The following MAML3 variants were observed in gnomAD, a reference collection of about 807,000 sequenced individuals.
MAML3 encodes mastermind-like protein 3.
A neutral mutation model predicts 101.9 loss-of-function variants in MAML3; 27 were observed. That is an observed-to-expected ratio of 0.27 (90% CI 0.20 to 0.37). The LOEUF is 0.37. Among genes scored for constraint, MAML3 ranks in the 10% least tolerant of loss-of-function variants. MAML3 has a pLI of 1.00. For missense variants in MAML3, 1,316 were observed against 1,444.9 expected (o/e 0.91, Z 1.45); for synonymous variants, 501 against 555.9 (o/e 0.90, Z 1.39).
chr4:139,813,383 C>T (rs1730837708), intron 2 of MAML3, among the ~76,000 whole-genome samples: 3 of 152,114 alleles, frequency 2.0e-5, no homozygotes, highest in South Asian at 4.1e-4. Context: ...GCAGGGAACA[C>T]CACTGTGAAA....
At position 140,134,594 on chromosome 4, in the gene MAML3, T is replaced by C. The variant is rs1728853159; in HGVS notation, c.468+18266A>G. 1.2e-5 allele frequency: 4 copies of C among 333,276 alleles called. 1 individual carries two copies. Among genetic ancestry groups the C allele is most frequent in the South Asian group, 7.3e-5 (3 of 40,818 alleles). 20.6% of individuals were successfully genotyped at this position (333,276 alleles called of 1,614,324 possible). ...TTAAAATATAAACTCCGATGAGTGA[T>C]TAGAAAAACACCACAGAAATAAATA... is the stretch of plus-strand genomic sequence containing the variant. On this transcript the variant is annotated intron_variant, in intron 1 of 4. Transcript: ENST00000509479.
At chr4:139,775,269 T>C (rs1730071728) in intron 2 of MAML3, among the ~76,000 whole-genome samples, 1 of 152,144 alleles carries the variant, frequency 6.6e-6, no homozygotes, top group African/African-American at 2.4e-5. Flanking sequence ...TTTACTGCCC[T>C]AAGCAACCTC....
rs559161149 is a variant in MAML3 at position 139,806,665 on chromosome 4, A to G, written c.2080-75998T>C. 2.0e-5 allele frequency among the ~76,000 whole-genome samples: 3 copies of G among 152,346 alleles called. No homozygotes were observed. The East Asian group carries it at 5.8e-4, about 29-fold the overall frequency. Reference sequence around the variant, plus strand: ...GATAGATTTAAAAGGATGTTCGTAAACAACAAAAGGTAAACAACTAAAATG... The same window carrying G: ...GATAGATTTAAAAGGATGTTCGTAAGCAACAAAAGGTAAACAACTAAAATG... On this transcript the variant is annotated intron_variant, in intron 2 of 4. Coordinates refer to ENST00000509479, the MANE Select transcript of MAML3 (RefSeq NM_018717.5).
intron 2 of MAML3, among the ~76,000 whole-genome samples, chr4:139,742,710 G>A (rs1323816794): frequency 6.6e-6 from 1 of 152,156 alleles, no homozygotes; most frequent in Non-Finnish European, 1.5e-5. Flanking sequence ...AGTTAAGTTG[G>A]TAGCTAAATA....
intron 1 of MAML3, among the ~76,000 whole-genome samples, chr4:139,941,678 A>C (rs1215502270): frequency 6.6e-6 from 1 of 152,142 alleles, no homozygotes; most frequent in Non-Finnish European, 1.5e-5. Flanking sequence ...GCATATGTTG[A>C]GTACATGTGT....
At chr4:139,800,780 T>C (rs1164085060) in intron 2 of MAML3, among the ~76,000 whole-genome samples, 1 of 152,194 alleles carries the variant, frequency 6.6e-6, no homozygotes, top group Non-Finnish European at 1.5e-5. Context: ...CCAAAATGAA[T>C]AATAATTTTA....
chr4:139,890,604 G>T lies in MAML3; in HGVS notation c.832C>A (p.Pro278Thr). 6.2e-7 allele frequency: 1 copy of T among 1,613,994 alleles called. No individual in the cohort carries two copies. Among genetic ancestry groups the T allele is most frequent in the Non-Finnish European group, 8.5e-7 (1 of 1,179,892 alleles). ...TCTATGCAAGTAGGGTCATCGAGAG[G>T]TTCTTGTTTGAGGTCTTTGCTCTGC... ...ILQSKDLKQE[P>T]LDDPTCIDTS... The change falls in exon 2 of 5, where the codon CCT (proline) becomes ACT (threonine). Residue 278 changes from proline to threonine, a missense_variant. Physicochemically the swap from Pro to Thr is conservative, Grantham distance 38. Transcript: ENST00000509479. This position sits in a 1 kb window ranked among gnomAD's most constrained non-coding sequence, Gnocchi z 4.1.
At chr4:139,751,273 G>A (rs1254071807) in intron 2 of MAML3, among the ~76,000 whole-genome samples, 1 of 152,180 alleles carries the variant, frequency 6.6e-6, no homozygotes, top group African/African-American at 2.4e-5. Context: ...TTCAGGTTGA[G>A]TATCCCTTAT....
At chr4:140,078,011 C>T (rs1727799755) in intron 1 of MAML3, among the ~76,000 whole-genome samples, 1 of 106,526 alleles carries the variant, frequency 9.4e-6, no homozygotes, top group African/African-American at 3.4e-5. Flanking sequence ...AGCAAGACTC[C>T]GTCTCAAATA....
At chr4:140,002,951 C>T (rs767153553) in intron 1 of MAML3, among the ~76,000 whole-genome samples, 2 of 152,188 alleles carry the variant, frequency 1.3e-5, no homozygotes, top group Non-Finnish European at 2.9e-5. Context: ...ATGCCCACTA[C>T]GGTGGCAGGA....
intron 2 of MAML3, among the ~76,000 whole-genome samples, chr4:139,779,440 A>C (rs1393196001): frequency 1.3e-5 from 2 of 152,240 alleles, no homozygotes; most frequent in Non-Finnish European, 2.9e-5. Context: ...TCACCCCAAA[A>C]GTCCTAGTGG....
intron 1 of MAML3, among the ~76,000 whole-genome samples, chr4:139,891,223 G>C (rs1044692461): frequency 6.6e-6 from 1 of 152,208 alleles, no homozygotes; most frequent in African/African-American, 2.4e-5. Context: ...CAAAAGAAAA[G>C]AGATAGTTAA....
chr4:140,051,976 C>T (rs1727276796), intron 1 of MAML3, among the ~76,000 whole-genome samples: 1 of 152,094 alleles, frequency 6.6e-6, no homozygotes, highest in South Asian at 2.1e-4. Flanking sequence ...GATACCTCAC[C>T]CCTGTGTGTT....
intron 2 of MAML3, among the ~76,000 whole-genome samples, chr4:139,752,563 G>A (rs930021151): frequency 1.3e-5 from 2 of 152,190 alleles, no homozygotes; most frequent in African/African-American, 4.8e-5. Flanking sequence ...GTCATGGGAA[G>A]CTTTGGAAGC....
intron 1 of MAML3, among the ~76,000 whole-genome samples, chr4:140,085,736 A>G (rs1290267224): frequency 2.6e-5 from 4 of 152,186 alleles, no homozygotes; most frequent in Admixed American, 1.3e-4. Flanking sequence ...TTCAATGTTC[A>G]TGTATAATAA....
chr4:139,720,000 C>T lies in MAML3; in HGVS notation c.2740G>A (p.Gly914Ser). ...TTCACCAGCATGCTCTGACCAAAGC[C>T]ACTCACCATTCCAACCCCCTGCCCA... is the stretch of plus-strand genomic sequence containing the variant. ...ASGQGVGMVS[G>S]FGQSMLVNSA... The change falls in exon 5 of 5, where the codon GGC becomes AGC. Residue 914 changes from glycine (G) to serine (S), a missense_variant. Transcript: ENST00000509479. The T allele has an allele frequency of 6.2e-7, 1 of 1,614,112 alleles. No individual in the cohort carries two copies. Among genetic ancestry groups the T allele is most frequent in the Non-Finnish European group, 8.5e-7 (1 of 1,179,908 alleles).
chr4:139,860,117 A>C (rs1731745822), intron 2 of MAML3, among the ~76,000 whole-genome samples: 2 of 152,252 alleles, frequency 1.3e-5, no homozygotes. Context: ...TCAGGAAAGC[A>C]ACTCGAAAAC....
intron 2 of MAML3, among the ~76,000 whole-genome samples, chr4:139,866,770 G>A (rs890726985): frequency 6.6e-5 from 10 of 152,120 alleles, no homozygotes; most frequent in African/African-American, 2.4e-4. Flanking sequence ...CCAGTTTGAC[G>A]CTAATGATTT....
chr4:139,779,437 A>T (rs995706560), intron 2 of MAML3, among the ~76,000 whole-genome samples: 1 of 152,218 alleles, frequency 6.6e-6, no homozygotes, highest in African/African-American at 2.4e-5. Flanking sequence ...CCATCACCCC[A>T]AAAGTCCTAG....
Sources: allele counts gnomAD v4.1 joint callset (sites outside exome capture counted in the v4.1 genomes callset), GRCh38; gene constraint gnomAD v4.1.1; non-coding constraint Gnocchi (gnomAD v3.1); transcripts MANE v1.5; gene names NCBI Gene and HGNC (gene_info 2026-07-23, HGNC 2026-07-21).